Variants in CTNND2 observed in about 807,000 individuals in gnomAD.
CTNND2 encodes the protein catenin delta 2.
A neutral mutation model predicts 144.4 loss-of-function variants in CTNND2; 22 were observed. The ratio of observed to expected loss-of-function variants is 0.15; its 90% CI spans 0.11 to 0.22. The LOEUF (loss-of-function observed/expected upper bound fraction) is 0.22. Among genes scored for constraint, CTNND2 ranks in the 10% least tolerant of loss-of-function variants. CTNND2 has a pLI of 1.00. For missense variants in CTNND2, 1,353 were observed against 1,618.8 expected, an observed-to-expected ratio of 0.84 and a Z score of 2.82; for synonymous variants, 751 against 695.6, an observed-to-expected ratio of 1.08 and a Z score of -1.25.
intron 1 of CTNND2, among the ~76,000 whole-genome samples, chr5:11,881,055 CACTACT>C (rs773853671): frequency 6.7e-6 from 1 of 148,244 alleles, no homozygotes; most frequent in Admixed American, 6.8e-5. Flanking sequence ...CTACTACTAC[CACTACT>C]ACTACTACTA....
intron 3 of CTNND2, among the ~76,000 whole-genome samples, chr5:11,481,133 T>C (rs1768224378): frequency 2.0e-5 from 3 of 152,164 alleles, no homozygotes; most frequent in Non-Finnish European, 4.4e-5. Context: ...TCACAGCCAA[T>C]TGTAAGTGAC....
intron 1 of CTNND2, among the ~76,000 whole-genome samples, chr5:11,803,311 T>G (rs144301562): frequency 8.0e-6 from 1 of 124,374 alleles, no homozygotes; most frequent in South Asian, 3.1e-4. Context: ...AGAGCGAGAC[T>G]GCGTCTCAAA....
At chr5:11,455,309 C>T (rs561439200) in intron 3 of CTNND2, among the ~76,000 whole-genome samples, 16 of 152,094 alleles carry the variant, frequency 1.1e-4, no homozygotes, top group African/African-American at 1.4e-4. Context: ...GTGCAAAGAA[C>T]GATACTTATT....
At chr5:11,644,261 G>A (rs1040846184) in intron 2 of CTNND2, among the ~76,000 whole-genome samples, 8 of 152,174 alleles carry the variant, frequency 5.3e-5, no homozygotes, top group Non-Finnish European at 7.3e-5. Context: ...AGGTACCAAC[G>A]TGGCACTTTA....
chr5:11,750,461 G>A (rs1038841618), intron 1 of CTNND2, among the ~76,000 whole-genome samples: 7 of 151,904 alleles, frequency 4.6e-5, no homozygotes, highest in African/African-American at 1.7e-4. Flanking sequence ...GGTATTGTTT[G>A]TTACTTTGGC....
chr5:11,531,850 A>G lies in CTNND2; in HGVS notation c.287+33094T>C, dbSNP rs116671458. ...CATTTACATTCTGCTATCTTCACCA[A>G]ACATTACAATTAATACCACATAACA... On this transcript the variant is annotated intron_variant, in intron 3 of 21. Transcript: ENST00000304623. Among the ~76,000 whole-genome samples the G allele has an allele frequency of 7.4e-3, 1,127 of 152,314 alleles. 8 individuals carry two copies. Among genetic ancestry groups the G allele is most frequent in the Non-Finnish European group, 0.012 (831 of 68,022 alleles).
chr5:11,568,766 A>G (rs910214617), intron 2 of CTNND2, among the ~76,000 whole-genome samples: 4 of 152,170 alleles, frequency 2.6e-5, no homozygotes, highest in Admixed American at 2.0e-4. Context: ...TTGAGGGAGG[A>G]CAGACCTCTC....
intron 7 of CTNND2, among the ~76,000 whole-genome samples, chr5:11,369,407 C>T (rs1169126213): frequency 6.6e-6 from 1 of 152,218 alleles, no homozygotes; most frequent in East Asian, 1.9e-4. Context: ...GGCTCACCGC[C>T]TTGTGTCTTG....
intron 16 of CTNND2, among the ~76,000 whole-genome samples, chr5:11,068,642 G>A (rs2007008): frequency 0.19 from 29,008 of 152,162 alleles, 3,348 homozygotes; most frequent in Middle Eastern, 0.29. Context: ...TAGGCCAGGC[G>A]CGGTGGCTCA....
intron 9 of CTNND2, among the ~76,000 whole-genome samples, chr5:11,312,536 CG>C (rs1751090289): frequency 6.6e-6 from 1 of 152,004 alleles, no homozygotes; most frequent in Non-Finnish European, 1.5e-5. Context: ...TGGGAAAGAC[CG>C]GCCCCCATGA....
intron 1 of CTNND2, among the ~76,000 whole-genome samples, chr5:11,737,908 T>C (rs1024148924): frequency 6.6e-6 from 1 of 152,250 alleles, no homozygotes; most frequent in Admixed American, 6.5e-5. Context: ...GGCACCTTGA[T>C]CTTGGACTTC....
intron 1 of CTNND2, among the ~76,000 whole-genome samples, chr5:11,865,763 T>C (rs1411278303): frequency 6.6e-6 from 1 of 152,020 alleles, no homozygotes; most frequent in Non-Finnish European, 1.5e-5. Flanking sequence ...ATAAGGGTCT[T>C]GAGAAGTGGA....
rs138495006 is a variant in CTNND2, at chr5:11,212,102, T to C, written c.1762-12441A>G. On this transcript the variant is annotated intron_variant, in intron 10 of 21. Coordinates refer to ENST00000304623, the MANE Select transcript of CTNND2 (RefSeq NM_001332.4). Reference sequence around the variant, plus strand: ...ATTTTAGGTGACGGAGTCTCTCATATGTTTTGAAGATATATTTTTGTAGTA... The same window carrying C: ...ATTTTAGGTGACGGAGTCTCTCATACGTTTTGAAGATATATTTTTGTAGTA... 9.9e-3 allele frequency among the ~76,000 whole-genome samples: 1,514 copies of C among 152,306 alleles called. 22 individuals carry two copies. Among genetic ancestry groups the C allele is most frequent in the South Asian group, 0.066 (318 of 4,822 alleles).
intron 11 of CTNND2, among the ~76,000 whole-genome samples, chr5:11,166,201 C>T (rs370398934): frequency 6.6e-6 from 1 of 151,154 alleles, no homozygotes; most frequent in African/African-American, 2.4e-5. Flanking sequence ...AGTTTGTGTA[C>T]CTGGGGGGAG....
chr5:11,415,213 A>T (rs1197265456), intron 3 of CTNND2, among the ~76,000 whole-genome samples: 2 of 152,142 alleles, frequency 1.3e-5, no homozygotes, highest in East Asian at 3.9e-4. Context: ...AACAGTGTGT[A>T]AGTGTTCACT....
intron 3 of CTNND2, among the ~76,000 whole-genome samples, chr5:11,561,994 C>T (rs571815598): frequency 2.6e-5 from 4 of 151,734 alleles, no homozygotes; most frequent in South Asian, 2.1e-4. Flanking sequence ...TGCAGTAAGC[C>T]GAGATCGTGC....
At chr5:11,769,369 G>A (rs950053375) in intron 1 of CTNND2, among the ~76,000 whole-genome samples, 1 of 152,148 alleles carries the variant, frequency 6.6e-6, no homozygotes, top group South Asian at 2.1e-4. Flanking sequence ...ACTACAATAA[G>A]AGCATATCAG....
chr5:10,995,862 G>T (rs1248618985), intron 18 of CTNND2, among the ~76,000 whole-genome samples: 2 of 152,182 alleles, frequency 1.3e-5, no homozygotes, highest in African/African-American at 4.8e-5. Context: ...GGAAGATAAG[G>T]ATATTCACTC....
At chr5:11,133,129 G>T (rs1386195083) in intron 12 of CTNND2, among the ~76,000 whole-genome samples, 2 of 152,110 alleles carry the variant, frequency 1.3e-5, no homozygotes, top group Non-Finnish European at 2.9e-5. Flanking sequence ...GCATATGGAG[G>T]TAATGGGAGA....
Sources: allele counts gnomAD v4.1 joint callset (sites outside exome capture counted in the v4.1 genomes callset), GRCh38; gene constraint gnomAD v4.1.1; transcripts MANE v1.5; gene names NCBI Gene and HGNC (gene_info 2026-07-23, HGNC 2026-07-21).